Variants in CDH17 observed in about 807,000 individuals in gnomAD.
CDH17 encodes cadherin-17.
In CDH17, 67 loss-of-function variants were observed where a neutral mutation model predicts 86.3. The ratio of observed to expected loss-of-function variants is 0.78; its 90% CI spans 0.64 to 0.95. CDH17 has a LOEUF of 0.95. Ranked by LOEUF, CDH17 falls within the 40% of genes least tolerant of loss-of-function variation. The probability of loss-of-function intolerance (pLI) is 0.00; values close to 1 mark genes in which losing one functional copy is unlikely to be tolerated. For missense variants in CDH17, 993 were observed against 1,017.6 expected (o/e 0.98, Z 0.33); for synonymous variants, 367 against 366.4 (o/e 1.00, Z -0.02).
chr8:94,206,033 A>G (rs1814020036), intron 1 of CDH17, among the ~76,000 whole-genome samples: 1 of 152,266 alleles, frequency 6.6e-6, no homozygotes, highest in African/African-American at 2.4e-5. Context: ...TATATGGTCA[A>G]AAATGAATAA....
intron 2 of CDH17, among the ~76,000 whole-genome samples, chr8:94,189,778 A>G (rs1461409107): frequency 1.3e-5 from 2 of 152,266 alleles, no homozygotes; most frequent in African/African-American, 2.4e-5. Context: ...GAAAATATAG[A>G]CGTATTTAGT....
chr8:94,196,434 A>T (rs541731552), intron 1 of CDH17, among the ~76,000 whole-genome samples: 11 of 152,146 alleles, frequency 7.2e-5, no homozygotes, highest in Admixed American at 1.3e-4. Context: ...GCGGGAAACA[A>T]TGGTTCACAT....
At chr8:94,171,385 A>AAGAT (rs1456769787) in intron 7 of CDH17, among the ~76,000 whole-genome samples, 1 of 152,224 alleles carries the variant, frequency 6.6e-6, no homozygotes, top group African/African-American at 2.4e-5. Flanking sequence ...CTCACCAATG[A>AAGAT]AGATGAACAG....
At chr8:94,180,509 A>G (rs1473957304) in intron 3 of CDH17, among the ~76,000 whole-genome samples, 3 of 152,218 alleles carry the variant, frequency 2.0e-5, no homozygotes, top group Non-Finnish European at 2.9e-5. Context: ...GAGAATCTTA[A>G]AAGTGCATAG....
chr8:94,172,719 C>A (rs1020423688), intron 7 of CDH17, among the ~76,000 whole-genome samples: 3 of 152,144 alleles, frequency 2.0e-5, no homozygotes, highest in Admixed American at 6.5e-5. Context: ...GGAGGAATTT[C>A]CTGGGCTTCC....
chr8:94,161,664 A>G (rs1055165182), intron 11 of CDH17, among the ~76,000 whole-genome samples: 9 of 152,182 alleles, frequency 5.9e-5, no homozygotes, highest in African/African-American at 2.2e-4. Context: ...CTCTTACCCA[A>G]TTATTACAAA....
intron 5 of CDH17, among the ~76,000 whole-genome samples, chr8:94,175,289 A>T (rs1294439277): frequency 6.6e-6 from 1 of 152,174 alleles, no homozygotes; most frequent in Non-Finnish European, 1.5e-5. Flanking sequence ...CTATTAGTGA[A>T]GAGAGAAAAG....
At chr8:94,177,806 A>G in intron 3 of CDH17, 85 bp from the exon 4 acceptor site, 1 of 1,348,490 alleles carries the variant, frequency 7.4e-7, no homozygotes, top group South Asian at 1.3e-5. Flanking sequence ...TTTCAGGTAA[A>G]ATTTTCATTG....
Position 94,176,734 on chromosome 8 carries a change from C to A in CDH17, c.286-55G>T, listed in dbSNP as rs370927561. On this transcript the variant is annotated intron_variant, in intron 4 of 17. Transcript: ENST00000027335. ...GTGAGACTGAACTTCATGTCACATG[C>A]CCAAAAATCACTTGAAGGAAATTAG... is the stretch of plus-strand genomic sequence containing the variant. 105 of 1,535,970 alleles carry A rather than the reference C, an allele frequency of 6.8e-5. 1 individual carries two copies. The East Asian group carries it at 2.0e-3, about 30-fold the overall frequency.
Position 94,176,556 on chromosome 8 carries a change from G to A in CDH17, c.409C>T (p.Gln137Ter). The change falls in exon 5 of 18, where the codon CAG becomes TAG. Residue 137 changes from glutamine to a stop codon, truncating the protein, a stop_gained. Transcript: ENST00000027335. LOFTEE classifies it high-confidence loss of function. ...LQSKYEGSVR[Q>*]NSRPGKPFLY... The stretch of plus-strand genomic sequence containing the variant: ...TGCCTGTTACCTGGGCGAGAGTTCT[G>A]CCTTACTGAGCCTTCGTACTTTGAC... 1 of 1,613,718 alleles carries A rather than the reference G, an allele frequency of 6.2e-7. No individual in the cohort carries two copies. Among genetic ancestry groups the A allele is most frequent in the Non-Finnish European group, 8.5e-7 (1 of 1,179,742 alleles).
intron 2 of CDH17, among the ~76,000 whole-genome samples, chr8:94,193,094 A>G (rs1234478807): frequency 6.6e-6 from 1 of 152,140 alleles, no homozygotes; most frequent in Non-Finnish European, 1.5e-5. Flanking sequence ...TCACCTGGGT[A>G]AGGCACTGCT....
chr8:94,178,044 A>G (rs560553431), intron 3 of CDH17, among the ~76,000 whole-genome samples: 7 of 152,340 alleles, frequency 4.6e-5, no homozygotes, highest in East Asian at 1.9e-4. Flanking sequence ...GAAGCATTAA[A>G]AGGGTAGCTT....
chr8:94,132,338 T>G (rs1207282091), intron 15 of CDH17, among the ~76,000 whole-genome samples: 1 of 152,214 alleles, frequency 6.6e-6, no homozygotes, highest in Non-Finnish European at 1.5e-5. Context: ...CTCCTGCAAC[T>G]GTTGTTTCCT....
chr8:94,216,768 C>T (rs992038373), intron 1 of CDH17, among the ~76,000 whole-genome samples: 1 of 152,146 alleles, frequency 6.6e-6, no homozygotes, highest in Non-Finnish European at 1.5e-5. Flanking sequence ...ATCCAAACTC[C>T]ACTCCTCTTC....
At chr8:94,168,143 T>TACATATAC (rs1368025212) in intron 9 of CDH17, among the ~76,000 whole-genome samples, 1 of 101,592 alleles carries the variant, frequency 9.8e-6, no homozygotes, top group African/African-American at 5.9e-5. Flanking sequence ...TATATATATA[T>TACATATAC]ATATATATAT....
chr8:94,182,020 T>C (rs1667581361), intron 3 of CDH17, among the ~76,000 whole-genome samples: 1 of 152,054 alleles, frequency 6.6e-6, no homozygotes, highest in African/African-American at 2.4e-5. Context: ...TCCCACAAAT[T>C]AGACAACCTA....
chr8:94,177,772 G>A (rs200468453), intron 3 of CDH17, 51 bp from the exon 4 acceptor site: 130 of 1,575,876 alleles, frequency 8.2e-5, no homozygotes, highest in Non-Finnish European at 1.1e-4. Context: ...AAACAATGTT[G>A]TGGAATTTGT....
At chr8:94,138,067 A>G (rs1011576757) in intron 15 of CDH17, among the ~76,000 whole-genome samples, 10 of 152,298 alleles carry the variant, frequency 6.6e-5, no homozygotes, top group East Asian at 1.9e-4. Context: ...CAGGGCATTT[A>G]CCACCTTTTT....
intron 13 of CDH17, among the ~76,000 whole-genome samples, chr8:94,149,174 T>C (rs1211440502): frequency 2.6e-5 from 4 of 152,190 alleles, no homozygotes; most frequent in Non-Finnish European, 5.9e-5. Flanking sequence ...AGTTCACAAC[T>C]TCTGGGGAAA....
Sources: allele counts gnomAD v4.1 joint callset (sites outside exome capture counted in the v4.1 genomes callset), GRCh38; gene constraint gnomAD v4.1.1; transcripts MANE v1.5; gene names NCBI Gene and HGNC (gene_info 2026-07-23, HGNC 2026-07-21).